UBL7: variants seen among roughly 807,000 people sequenced by gnomAD.
UBL7 encodes ubiquitin like 7.
UBL7 carries 21 observed loss-of-function variants against 41.7 expected under a neutral mutation model. The observed-to-expected ratio is 0.50, with a 90% CI of 0.36 to 0.73. UBL7 has a LOEUF of 0.73. Among genes scored for constraint, UBL7 ranks in the 30% least tolerant of loss-of-function variants. UBL7 has a pLI of 0.00. For missense variants in UBL7, 403 were observed against 478.4 expected (o/e 0.84, Z 1.47); for synonymous variants, 157 against 186.9 (o/e 0.84, Z 1.31).
chr15:74,452,562 C>T (rs1418108201), intron 3 of UBL7, among the ~76,000 whole-genome samples, 184 bp from the exon 4 acceptor site: 2 of 152,212 alleles, frequency 1.3e-5, no homozygotes, highest in South Asian at 2.1e-4. Flanking sequence ...GTGAAAACTG[C>T]TAGTAAGCAT....
At chr15:74,459,301 ATT>A (rs61137560) in intron 1 of UBL7, among the ~76,000 whole-genome samples, 21 of 130,824 alleles carry the variant, frequency 1.6e-4, no homozygotes, top group African/African-American at 2.5e-4. Flanking sequence ...AACACCCATC[ATT>A]TTTTTTTTTT....
In UBL7 at chr15:74,449,222, C is replaced by T. The variant is rs993107185; in HGVS notation, c.846G>A (p.Pro282=). Residue 282 remains proline (P), a synonymous_variant, in exon 9 of 11, where the codon CCG becomes CCA. Transcript: ENST00000395081. The stretch of plus-strand genomic sequence containing the variant: ...GAGTCGGTGTGTGAGAGCTGCTCTC[C>T]GGAGTGCTGGCCAGGGCCAAGGCGG... The part of the protein sequence containing the change: ...LATALALAST[P]ESSSHTPTPG... 1.0e-5 allele frequency: 16 copies of T among 1,592,658 alleles called. No homozygotes were observed. The highest frequency in any genetic ancestry group is 6.7e-5 in the African/African-American group (5 of 74,240).
At chr15:74,459,692 G>A (rs1013414375) in intron 1 of UBL7, among the ~76,000 whole-genome samples, 1 of 151,838 alleles carries the variant, frequency 6.6e-6, no homozygotes, top group Non-Finnish European at 1.5e-5. Context: ...CGGGCTGGGC[G>A]CGGTGGCTCA....
At chr15:74,459,906 CTGGG>C (rs1474363205) in intron 1 of UBL7, among the ~76,000 whole-genome samples, 1 of 124,128 alleles carries the variant, frequency 8.1e-6, no homozygotes, top group African/African-American at 3.2e-5. Flanking sequence ...GCACTCCAGC[CTGGG>C]TGACAGAGAG....
intron 2 of UBL7, among the ~76,000 whole-genome samples, chr15:74,457,459 C>T (rs1478763038): frequency 6.6e-6 from 1 of 152,138 alleles, no homozygotes; most frequent in East Asian, 1.9e-4. Context: ...AGGAGAATTG[C>T]TTGAACCCAG....
rs1230679796 is a variant in UBL7 at position 74,446,010 on chromosome 15, G to C, written c.*80C>G. ...ACCATCAGGTATATTGGGGAAGGGA[G>C]AGATGGAGGCACCTTCATGAGTGCC... is the stretch of plus-strand genomic sequence containing the variant. On this transcript the variant is annotated 3_prime_UTR_variant, in exon 11 of 11. Transcript: ENST00000395081. The surrounding 1 kb of genome is among the most constrained non-coding windows in gnomAD (Gnocchi z 4.1). 1.9e-6 allele frequency: 3 copies of C among 1,548,096 alleles called. No individual in the cohort carries two copies. Among genetic ancestry groups the C allele is most frequent in the East Asian group, 4.5e-5 (2 of 44,326 alleles).
chr15:74,459,361 C>T (rs1210379900), intron 1 of UBL7, among the ~76,000 whole-genome samples: 3 of 150,314 alleles, frequency 2.0e-5, no homozygotes, highest in African/African-American at 7.3e-5. Flanking sequence ...AGTGCAGCGG[C>T]GCGATCTCGG....
chr15:74,453,232 A>G (rs533436015), intron 3 of UBL7, among the ~76,000 whole-genome samples: 1 of 152,318 alleles, frequency 6.6e-6, no homozygotes, highest in Admixed American at 6.5e-5. Flanking sequence ...TATTCATTCA[A>G]CAAACATGTA....
At position 74,454,984 on chromosome 15, in the gene UBL7, G is replaced by A. The variant is rs145642576; in HGVS notation, c.304+1568C>T. Among the ~76,000 whole-genome samples the A allele has an allele frequency of 7.3e-3, 1,108 of 152,216 alleles. 11 individuals carry two copies. Among genetic ancestry groups the A allele is most frequent in the Non-Finnish European group, 9.4e-3 (642 of 68,008 alleles). On this transcript the variant is annotated intron_variant, in intron 3 of 10. Transcript: ENST00000395081. ...TGTGTTTCTGTTCAGCAATAATAGG[G>A]ATCTTGTTTTTGTCTTAATCCATAG...
chr15:74,453,085 C>T (rs887377810), intron 3 of UBL7, among the ~76,000 whole-genome samples: 1 of 152,170 alleles, frequency 6.6e-6, no homozygotes, highest in Non-Finnish European at 1.5e-5. Flanking sequence ...CTGTGTACTG[C>T]CCAACTCCAG....
chr15:74,457,902 T>C (rs2061309798), intron 2 of UBL7, among the ~76,000 whole-genome samples: 1 of 152,132 alleles, frequency 6.6e-6, no homozygotes, highest in African/African-American at 2.4e-5. Context: ...GTTGGATCCT[T>C]TAGCTATTAA....
chr15:74,456,902 T>C (rs372486609), intron 2 of UBL7, among the ~76,000 whole-genome samples: 43 of 152,226 alleles, frequency 2.8e-4, no homozygotes, highest in African/African-American at 1.0e-3. Context: ...CTCAACCTCC[T>C]GGGGTCAAGC....
Position 74,449,655 on chromosome 15 carries a change from G to C in UBL7, c.685C>G (p.Leu229Val). Residue 229 changes from leucine to valine, a missense_variant, in exon 8 of 11, where the codon CTC becomes GTC. Coordinates refer to ENST00000395081, the MANE Select transcript of UBL7 (RefSeq NM_032907.5). ...DMPGGFLFEGLSDDEDDFHPN... is the reference protein window; with the variant it reads ...DMPGGFLFEGVSDDEDDFHPN... ...TGAAAGTCATCCTCATCATCTGAGA[G>C]CCCTTCAAACAGGAAGCCACCTGGA... The C allele has an allele frequency of 6.2e-7, 1 of 1,614,154 alleles. No homozygotes were observed. Among genetic ancestry groups the C allele is most frequent in the Admixed American group, 1.7e-5 (1 of 60,018 alleles).
At chr15:74,460,742 C>T (rs960979025) in intron 1 of UBL7, 2 of 1,286,836 alleles carry the variant, frequency 1.6e-6, no homozygotes, top group African/African-American at 1.5e-5. Flanking sequence ...AAGATAAGTT[C>T]TTGTTATAGT....
At chr15:74,450,759 C>A in intron 6 of UBL7, 43 bp downstream of exon 6, 1 of 1,606,034 alleles carries the variant, frequency 6.2e-7, no homozygotes, top group Non-Finnish European at 8.5e-7. Flanking sequence ...GGCCTGAGCA[C>A]GAGGAGAGAG....
chr15:74,454,525 A>T (rs1202592887), intron 3 of UBL7, among the ~76,000 whole-genome samples: 1 of 152,060 alleles, frequency 6.6e-6, no homozygotes, highest in Non-Finnish European at 1.5e-5. Flanking sequence ...CAGCCTCTCA[A>T]GTAGCTGGGA....
chr15:74,449,977 G>A lies in UBL7; in HGVS notation c.623C>T (p.Ser208Phe), dbSNP rs2061227177. The A allele has an allele frequency of 1.9e-6, 3 of 1,613,432 alleles. No individual in the cohort carries two copies. The highest frequency in any genetic ancestry group is 2.5e-6 in the Non-Finnish European group (3 of 1,179,758). ...GSAPMPGTDS[S>F]SRSMPSSSYR... ...TGAGCTGGAGGGCATGCTCCGGGAA[G>A]AGGAGTCAGTCCCAGGCATTGGGGC... The change falls in exon 7 of 11, where the codon TCT becomes TTT. Residue 208 changes from serine to phenylalanine, a missense_variant. Ser to Phe is a radical substitution (Grantham distance 155). Transcript: ENST00000395081.
At position 74,449,374 on chromosome 15, in the gene UBL7, G is replaced by A. The variant is rs1596212546; in HGVS notation, c.715-21C>T. 5.6e-6 allele frequency: 9 copies of A among 1,613,522 alleles called. No homozygotes were observed. In the East Asian group the frequency reaches 2.0e-4, roughly 36 times the overall value. On this transcript the variant is annotated intron_variant, in intron 8 of 10. Coordinates refer to ENST00000395081, the MANE Select transcript of UBL7 (RefSeq NM_032907.5). ...GTGTTCTGGAGAAAGAAGACACTCA[G>A]AATCAGGGAAGCAGTACTGTGAAAC...
Position 74,446,273 on chromosome 15 carries a change from T to C in UBL7, c.1006-46A>G. The C allele has an allele frequency of 2.5e-6, 4 of 1,610,844 alleles. No individual in the cohort carries two copies. The highest frequency in any genetic ancestry group is 3.4e-6 in the Non-Finnish European group (4 of 1,178,388). ...GCAGAAGCTGTTAGCTGGGATCCAG[T>C]GAAGACTCACTTAGGTCTGTGCTTT... On this transcript the variant is annotated intron_variant, in intron 10 of 10. Transcript: ENST00000395081. The surrounding 1 kb of genome is among the most constrained non-coding windows in gnomAD (Gnocchi z 4.1).
Sources: gnomAD v4.1 joint callset for allele counts (sites outside exome capture counted in the v4.1 genomes callset) on GRCh38, gnomAD v4.1.1 for gene constraint, Gnocchi (gnomAD v3.1) non-coding constraint, MANE v1.5 for transcripts, NCBI Gene and HGNC (gene_info 2026-07-23, HGNC 2026-07-21) for gene names.